Variants in CFAP44 observed in about 807,000 individuals in gnomAD.
CFAP44 encodes the protein cilia and flagella associated protein 44, also known as cilia- and flagella-associated protein 44.
CFAP44 carries 134 observed loss-of-function variants against 216.2 expected under a neutral mutation model. The observed-to-expected ratio is 0.62, with a 90% confidence interval of 0.54 to 0.72. The LOEUF is 0.72. Among genes scored for constraint, CFAP44 ranks in the 30% least tolerant of loss-of-function variants. The probability of loss-of-function intolerance (pLI) is 0.00; values close to 1 mark genes in which losing one functional copy is unlikely to be tolerated. For synonymous variants in CFAP44, 700 were observed against 727.6 expected (o/e 0.96, Z 0.61); for missense variants, 2,035 against 2,182.1 (o/e 0.93, Z 1.34).
chr3:113,388,737 T>A (rs1024083929), intron 15 of CFAP44, among the ~76,000 whole-genome samples: 23 of 152,062 alleles, frequency 1.5e-4, no homozygotes, highest in Non-Finnish European at 2.9e-4. Context: ...AGAGTAGAAA[T>A]AATTACACTT....
At chr3:113,328,696 TAAAAAAA>T (rs58650082) in intron 26 of CFAP44, among the ~76,000 whole-genome samples, 2 of 28,570 alleles carry the variant, frequency 7.0e-5, no homozygotes, top group Non-Finnish European at 1.2e-4. Flanking sequence ...TTAGAGAGCT[TAAAAAAA>T]AAAAAAAAAA....
intron 28 of CFAP44, among the ~76,000 whole-genome samples, chr3:113,314,549 A>C (rs559581949): frequency 6.6e-6 from 1 of 152,314 alleles, no homozygotes; most frequent in East Asian, 1.9e-4. Context: ...TCTAAACAGA[A>C]AGCAAACAAT....
In CFAP44 at chr3:113,288,912, T is replaced by C. The variant is rs1949801486; in HGVS notation, c.*2645A>G. 6.6e-6 allele frequency: 1 copy of C among 152,238 alleles called. No individual in the cohort carries two copies. Among genetic ancestry groups the C allele is most frequent in the Admixed American group, 6.5e-5 (1 of 15,286 alleles). The allele number at this position is 152,238 out of a possible 1,614,324, so 9.4% of individuals were successfully genotyped here. ...TGCTGAGATTGATCATCGGTGATAC[T>C]ATGGATGACAGTTCAGAAGAGCCAA... On this transcript the variant is annotated 3_prime_UTR_variant, in exon 35 of 35. Coordinates refer to ENST00000393845, the MANE Select transcript of CFAP44 (RefSeq NM_001164496.2).
chr3:113,423,234 C>T (rs1438349479), intron 4 of CFAP44, among the ~76,000 whole-genome samples: 1 of 151,396 alleles, frequency 6.6e-6, no homozygotes, highest in Non-Finnish European at 1.5e-5. Flanking sequence ...CCCACCTCAG[C>T]CCCCCAGGTA....
At chr3:113,331,884 C>G (rs1416153592) in intron 25 of CFAP44, among the ~76,000 whole-genome samples, 1 of 151,914 alleles carries the variant, frequency 6.6e-6, no homozygotes, top group African/African-American at 2.4e-5. Context: ...GGATTTTGAC[C>G]ATTAAATTAA....
At chr3:113,324,248 C>A (rs191794629) in intron 28 of CFAP44, among the ~76,000 whole-genome samples, 1 of 152,098 alleles carries the variant, frequency 6.6e-6, no homozygotes, top group Non-Finnish European at 1.5e-5. Context: ...AGAAAATTTT[C>A]TGATTCATAT....
At chr3:113,382,563 G>A (rs1392284) in intron 15 of CFAP44, among the ~76,000 whole-genome samples, 51,038 of 151,838 alleles carry the variant, frequency 0.34, 8,989 homozygotes, top group East Asian at 0.57. Context: ...GGGAGAAACA[G>A]GAACATATTT....
At chr3:113,368,702 C>CAAAA (rs202190591) in intron 18 of CFAP44, among the ~76,000 whole-genome samples, 3,620 of 152,260 alleles carry the variant, frequency 0.024, 65 homozygotes, top group African/African-American at 0.046. Flanking sequence ...AAATAACCAG[C>CAAAA]TAACATCCTA....
At chr3:113,425,048 G>A (rs1934922894) in intron 4 of CFAP44, among the ~76,000 whole-genome samples, 1 of 150,914 alleles carries the variant, frequency 6.6e-6, no homozygotes, top group Non-Finnish European at 1.5e-5. Context: ...TCCCATTTGG[G>A]AAAAAAAGGC....
intron 22 of CFAP44, among the ~76,000 whole-genome samples, chr3:113,346,762 A>C (rs558969966): frequency 5.9e-5 from 9 of 152,388 alleles, no homozygotes; most frequent in Admixed American, 1.3e-4. Flanking sequence ...AAAATGGACC[A>C]ATCAGCAGGA....
chr3:113,332,404 GAA>G (rs1950247914), intron 25 of CFAP44, among the ~76,000 whole-genome samples: 1 of 152,086 alleles, frequency 6.6e-6, no homozygotes, highest in South Asian at 2.1e-4. Flanking sequence ...TGGTGAAACA[GAA>G]AAAGACACCC....
chr3:113,419,893 C>A, intron 5 of CFAP44, 124 bp downstream of exon 5: 1 of 914,902 alleles, frequency 1.1e-6, no homozygotes. Context: ...GACAGCTGTG[C>A]ATCTCATGTG....
At chr3:113,333,015 T>C (rs769962761) in intron 25 of CFAP44, among the ~76,000 whole-genome samples, 1 of 152,142 alleles carries the variant, frequency 6.6e-6, no homozygotes, top group Non-Finnish European at 1.5e-5. Flanking sequence ...CAAAGATGTA[T>C]TAATACTTCT....
chr3:113,379,410 C>G lies in CFAP44; in HGVS notation c.2194G>C (p.Glu732Gln). The G allele has an allele frequency of 6.2e-7, 1 of 1,611,550 alleles. No homozygotes were observed. Among genetic ancestry groups the G allele is most frequent in the Non-Finnish European group, 8.5e-7 (1 of 1,178,258 alleles). ...GGTAATGGCTCTTCTTCCTCCTCCT[C>G]CTCCTCTTTCTCCTCTTCCTCCTCC... The part of the protein sequence containing the change: ...FQEEEEEKEE[E>Q]EEEEEPLPEI... Residue 732 changes from glutamate (E) to glutamine (Q), a missense_variant, in exon 17 of 35, where the codon GAG becomes CAG. Glu to Gln is a conservative substitution (Grantham distance 29). Coordinates refer to ENST00000393845, the MANE Select transcript of CFAP44 (RefSeq NM_001164496.2).
At chr3:113,322,990 G>A (rs1950158315) in intron 28 of CFAP44, among the ~76,000 whole-genome samples, 1 of 152,212 alleles carries the variant, frequency 6.6e-6, no homozygotes, top group Non-Finnish European at 1.5e-5. Flanking sequence ...GAGTGAAGTT[G>A]GCGGCGGGGA....
At chr3:113,350,610 G>A (rs1950434915) in intron 22 of CFAP44, among the ~76,000 whole-genome samples, 1 of 152,192 alleles carries the variant, frequency 6.6e-6, no homozygotes, top group African/African-American at 2.4e-5. Context: ...GGTGTAGCCC[G>A]AAAGCACTGA....
At position 113,404,730 on chromosome 3, in the gene CFAP44, C is replaced by A. The variant is rs1420952158; in HGVS notation, c.1006-714G>T. Among the ~76,000 whole-genome samples, 4 of 152,018 alleles carry A rather than the reference C, an allele frequency of 2.6e-5. No individual in the cohort carries two copies. The East Asian group carries it at 7.7e-4, about 29-fold the overall frequency. ...CCTAGAACAAACAGCTTTTTCTGAC[C>A]CCCGCAAAGGAACCATATGGGCCAA... On this transcript the variant is annotated intron_variant, in intron 8 of 34. Coordinates refer to ENST00000393845, the MANE Select transcript of CFAP44 (RefSeq NM_001164496.2).
chr3:113,334,919 A>G (rs1466852290), intron 24 of CFAP44, among the ~76,000 whole-genome samples: 1 of 152,242 alleles, frequency 6.6e-6, no homozygotes, highest in Non-Finnish European at 1.5e-5. Flanking sequence ...AGCCAACATG[A>G]GCGTGTACAC....
intron 1 of CFAP44, among the ~76,000 whole-genome samples, chr3:113,435,274 G>C (rs1935208117): frequency 6.6e-6 from 1 of 152,194 alleles, no homozygotes; most frequent in South Asian, 2.1e-4. Flanking sequence ...TTGACTTACA[G>C]TTTGGCATGG....
Sources: gnomAD v4.1 joint callset for allele counts (sites outside exome capture counted in the v4.1 genomes callset) on GRCh38, gnomAD v4.1.1 for gene constraint, MANE v1.5 for transcripts, NCBI Gene and HGNC (gene_info 2026-07-23, HGNC 2026-07-21) for gene names.